Variants in RGS6 observed in about 807,000 individuals in gnomAD.
The protein encoded by RGS6 is regulator of G-protein signaling 6.
A neutral mutation model predicts 78.5 loss-of-function variants in RGS6; 30 were observed. The ratio of observed to expected loss-of-function variants is 0.38; its 90% confidence interval spans 0.29 to 0.52. The LOEUF (loss-of-function observed/expected upper bound fraction) is 0.52. Ranked by LOEUF, RGS6 falls within the 20% of genes least tolerant of loss-of-function variation. The pLI is 0.85. For missense variants in RGS6, 495 were observed against 609.7 expected (o/e 0.81, Z 1.98); for synonymous variants, 206 against 206.0 (o/e 1.00, Z 0.00).
chr14:72,005,873 GT>G (rs201094171), intron 2 of RGS6, among the ~76,000 whole-genome samples: 32 of 146,642 alleles, frequency 2.2e-4, no homozygotes, highest in South Asian at 1.1e-3. Context: ...ATTCATTATT[GT>G]TTTTTTTTTC....
chr14:72,599,409 T>TG, the RGS6 span, among the ~76,000 whole-genome samples: 1 of 117,024 alleles, frequency 8.5e-6, no homozygotes, highest in Non-Finnish European at 1.8e-5. Flanking sequence ...TTTTTTTTTT[T>TG]TTTTTTTTTT....
the RGS6 span, among the ~76,000 whole-genome samples, chr14:71,921,623 C>T: frequency 3.3e-5 from 5 of 152,096 alleles, no homozygotes; most frequent in South Asian, 2.1e-4. Flanking sequence ...AGAAAAATAC[C>T]GCATGATCTC....
intron 2 of RGS6, among the ~76,000 whole-genome samples, chr14:72,089,620 G>T (rs2095190185): frequency 6.6e-6 from 1 of 152,158 alleles, no homozygotes; most frequent in South Asian, 2.1e-4. Flanking sequence ...CTGGTCTTCT[G>T]ATGGAAATGG....
intron 12 of RGS6, among the ~76,000 whole-genome samples, chr14:72,493,946 G>A (rs1056845372): frequency 1.1e-4 from 16 of 152,278 alleles, no homozygotes; most frequent in African/African-American, 3.8e-4. Context: ...ACACAATCAG[G>A]GAGTAAAAGC....
intron 2 of RGS6, among the ~76,000 whole-genome samples, chr14:72,192,487 C>G (rs1391230333): frequency 1.3e-5 from 2 of 152,248 alleles, no homozygotes; most frequent in East Asian, 1.9e-4. Flanking sequence ...CTGTTCTAGG[C>G]CCCAACCTCA....
rs765073499 is a variant in RGS6, at chr14:72,458,363, T to G, written c.328T>G (p.Phe110Val). 1 of 1,613,308 alleles carries G rather than the reference T, an allele frequency of 6.2e-7. No homozygotes were observed. The highest frequency in any genetic ancestry group is 8.5e-7 in the Non-Finnish European group (1 of 1,179,314). ...TCTCACCATGAAGGATGATGGCACC[T>G]TTTATCGTTTCCAGGTAAGCCTGCT... is the stretch of plus-strand genomic sequence containing the variant. ...HVLTMKDDGT[F>V]YRFQAPYFWP... The change falls in exon 5 of 18, where the codon TTT (phenylalanine) becomes GTT (valine). Residue 110 changes from phenylalanine to valine, a missense_variant. Physicochemically the swap from Phe to Val is conservative, Grantham distance 50. Coordinates refer to ENST00000553525, the MANE Select transcript of RGS6 (RefSeq NM_001204424.2).
At chr14:72,584,352 G>A in the RGS6 span, among the ~76,000 whole-genome samples, 2 of 152,154 alleles carry the variant, frequency 1.3e-5, no homozygotes, top group African/African-American at 4.8e-5. Context: ...TTCAGTCAGG[G>A]GAAGACAGAG....
chr14:72,465,602 T>TGGATGGG (rs1566914149), intron 6 of RGS6, among the ~76,000 whole-genome samples, 156 bp from the exon 7 acceptor site: 1 of 99,396 alleles, frequency 1.0e-5, no homozygotes, highest in African/African-American at 3.9e-5. Context: ...GGATGGATGG[T>TGGATGGG]TGGGTGGATG....
At chr14:72,010,064 G>T (rs1427857950) in intron 2 of RGS6, among the ~76,000 whole-genome samples, 3 of 152,194 alleles carry the variant, frequency 2.0e-5, no homozygotes, top group Non-Finnish European at 2.9e-5. Flanking sequence ...ATGGGTATAA[G>T]AATTAGTGTA....
upstream of RGS6, among the ~76,000 whole-genome samples, chr14:71,932,055 G>A (rs1273774490): frequency 1.3e-5 from 2 of 152,240 alleles, no homozygotes; most frequent in Non-Finnish European, 2.9e-5. Context: ...GAATCCCTAA[G>A]AGAACCTTGA....
At chr14:72,012,975 A>G (rs542819692) in intron 2 of RGS6, among the ~76,000 whole-genome samples, 1 of 152,148 alleles carries the variant, frequency 6.6e-6, no homozygotes, top group Non-Finnish European at 1.5e-5. Context: ...TGGCTCCTAT[A>G]AAATAAAGCA....
intron 2 of RGS6, among the ~76,000 whole-genome samples, chr14:72,061,209 C>T (rs909151268): frequency 1.3e-5 from 2 of 152,148 alleles, no homozygotes; most frequent in Non-Finnish European, 2.9e-5. Flanking sequence ...TGAGATGGAC[C>T]CTTTGTTTTC....
chr14:72,392,492 C>A (rs370386049), intron 3 of RGS6, among the ~76,000 whole-genome samples: 1 of 152,074 alleles, frequency 6.6e-6, no homozygotes, highest in African/African-American at 2.4e-5. Context: ...GACATACACA[C>A]GCACCTGGCC....
chr14:72,574,142 G>C, the RGS6 span, among the ~76,000 whole-genome samples: 1 of 152,324 alleles, frequency 6.6e-6, no homozygotes, highest in African/African-American at 2.4e-5. Context: ...ACAAAGCAGA[G>C]GTGACCTTGA....
At chr14:72,409,293 A>C (rs114995891) in intron 3 of RGS6, among the ~76,000 whole-genome samples, 2,458 of 152,330 alleles carry the variant, frequency 0.016, 78 homozygotes, top group African/African-American at 0.056. Context: ...ACCCAGCAGC[A>C]TGGGTAGTGA....
rs1180543018 is a variant in RGS6, at chr14:72,220,974, C to T, written c.85-131121C>T. 2.6e-5 allele frequency among the ~76,000 whole-genome samples: 4 copies of T among 152,266 alleles called. No homozygotes were observed. In the East Asian group the frequency reaches 7.7e-4, roughly 29 times the overall value. On this transcript the variant is annotated intron_variant, in intron 2 of 17. Transcript: ENST00000553525. Reference sequence around the variant, plus strand: ...CCCAACCTCCCTAAATCCTCCTTATCAGCAGCAGCAGCCCTTATCCTCTGA... The same window carrying T: ...CCCAACCTCCCTAAATCCTCCTTATTAGCAGCAGCAGCCCTTATCCTCTGA...
intron 3 of RGS6, among the ~76,000 whole-genome samples, chr14:72,362,491 A>G (rs371565359): frequency 7.9e-5 from 12 of 152,214 alleles, no homozygotes; most frequent in Non-Finnish European, 1.5e-4. Flanking sequence ...TGATGGCTCA[A>G]CTGAGGCTGG....
chr14:72,481,202 C>T (rs1034575426), intron 12 of RGS6, among the ~76,000 whole-genome samples: 6 of 152,140 alleles, frequency 3.9e-5, no homozygotes, highest in Non-Finnish European at 8.8e-5. Context: ...TTAATGAGTT[C>T]ATGCATGGCA....
intron 2 of RGS6, among the ~76,000 whole-genome samples, chr14:72,229,936 A>T (rs1411910410): frequency 6.6e-6 from 1 of 152,178 alleles, no homozygotes. Flanking sequence ...CCTACTGGAG[A>T]AGGGCTCTGT....
Sources: gnomAD v4.1 joint callset for allele counts (sites outside exome capture counted in the v4.1 genomes callset) on GRCh38, gnomAD v4.1.1 for gene constraint, MANE v1.5 for transcripts, NCBI Gene and HGNC (gene_info 2026-07-23, HGNC 2026-07-21) for gene names.